The following SLAIN2 variants were observed in gnomAD, a reference collection of about 807,000 sequenced individuals.
SLAIN2 encodes the protein SLAIN motif-containing protein 2.
A neutral mutation model predicts 56.6 loss-of-function variants in SLAIN2; 31 were observed. The ratio of observed to expected loss-of-function variants is 0.55; its 90% CI spans 0.41 to 0.74. The LOEUF (loss-of-function observed/expected upper bound fraction) is 0.74. SLAIN2 is among the 30% of genes least tolerant of loss of function. The pLI, the probability that SLAIN2 is intolerant of heterozygous loss-of-function variation, is 0.00. For missense variants in SLAIN2, 777 were observed against 754.2 expected (o/e 1.03, Z -0.35); for synonymous variants, 317 against 284.9 (o/e 1.11, Z -1.13).
At position 48,425,589 on chromosome 4, in the gene SLAIN2, G is replaced by A. The variant is rs1464036155; in HGVS notation, c.*3512G>A. On this transcript the variant is annotated 3_prime_UTR_variant, in exon 8 of 8. Transcript: ENST00000264313. ...AAAATAATATTACATGTTACAATTA[G>A]ATTAATAGTGATGAGAGGGAAAAAA... The A allele has an allele frequency of 6.6e-6, 1 of 152,032 alleles. No individual in the cohort carries two copies. Among genetic ancestry groups the A allele is most frequent in the Non-Finnish European group, 1.5e-5 (1 of 67,966 alleles). The allele number at this position is 152,032 out of a possible 1,614,324, so 9.4% of individuals were successfully genotyped here.
chr4:48,363,912 C>T (rs1715423784), intron 1 of SLAIN2, among the ~76,000 whole-genome samples: 1 of 128,470 alleles, frequency 7.8e-6, no homozygotes, highest in African/African-American at 2.8e-5. Context: ...GCACGGCTGG[C>T]CAGGCGGGGG....
At chr4:48,392,464 T>A (rs1294111596) in intron 6 of SLAIN2, among the ~76,000 whole-genome samples, 1 of 152,204 alleles carries the variant, frequency 6.6e-6, no homozygotes, top group Non-Finnish European at 1.5e-5. Context: ...AACTTTTTTT[T>A]AATGGTTAAC....
chr4:48,359,364 T>C (rs1294190868), intron 1 of SLAIN2, among the ~76,000 whole-genome samples: 3 of 152,250 alleles, frequency 2.0e-5, no homozygotes, highest in Non-Finnish European at 4.4e-5. Flanking sequence ...AGAAATTTAT[T>C]TCAATAATGC....
chr4:48,383,906 A>G, intron 6 of SLAIN2, 122 bp downstream of exon 6: 1 of 1,026,726 alleles, frequency 9.7e-7, no homozygotes. Context: ...CCATAGCTAT[A>G]GTAAAATTTA....
chr4:48,425,708 A>G lies in SLAIN2; in HGVS notation c.*3631A>G, dbSNP rs938486415. On this transcript the variant is annotated 3_prime_UTR_variant, in exon 8 of 8. Coordinates refer to ENST00000264313, the MANE Select transcript of SLAIN2 (RefSeq NM_020846.2). ...CTATACTTGTATTATAAATCAATAC[A>G]TAAGTTTAAACCTGTTATATACTCA... 1.3e-5 allele frequency: 2 copies of G among 152,194 alleles called. No individual in the cohort carries two copies. The highest frequency in any genetic ancestry group is 2.9e-5 in the Non-Finnish European group (2 of 68,012). The allele number at this position is 152,194 out of a possible 1,614,324, so 9.4% of individuals were successfully genotyped here.
intron 6 of SLAIN2, among the ~76,000 whole-genome samples, chr4:48,403,123 G>A (rs1271277468): frequency 1.3e-5 from 2 of 152,224 alleles, no homozygotes; most frequent in African/African-American, 4.8e-5. Flanking sequence ...CTGACCTGAT[G>A]CTGGCCCGAA....
In SLAIN2 at chr4:48,373,870, G is replaced by A. The variant is rs186907538; in HGVS notation, c.538+3873G>A. 5.1e-3 allele frequency among the ~76,000 whole-genome samples: 778 copies of A among 152,210 alleles called. 1 individual carries two copies. The highest frequency in any genetic ancestry group is 7.8e-3 in the Non-Finnish European group (529 of 68,008). ...AGCCTGACCAACATGGAGAAACCCT[G>A]TCTCTACTAAAAATACAAAATTAAT... is the stretch of plus-strand genomic sequence containing the variant. On this transcript the variant is annotated intron_variant, in intron 2 of 7. Transcript: ENST00000264313.
chr4:48,411,331 C>T (rs1716840786), intron 6 of SLAIN2, among the ~76,000 whole-genome samples: 2 of 152,096 alleles, frequency 1.3e-5, no homozygotes, highest in South Asian at 4.1e-4. Context: ...TGTACCACAT[C>T]AGGAATAAAA....
intron 3 of SLAIN2, among the ~76,000 whole-genome samples, chr4:48,378,518 A>C (rs1231292324): frequency 2.6e-5 from 4 of 152,200 alleles, no homozygotes; most frequent in African/African-American, 9.6e-5. Context: ...GATTGCTATA[A>C]ACCAGGGAAA....
intron 1 of SLAIN2, among the ~76,000 whole-genome samples, chr4:48,365,745 T>G (rs1222079570): frequency 6.6e-6 from 1 of 151,984 alleles, no homozygotes; most frequent in Non-Finnish European, 1.5e-5. Flanking sequence ...TATTTTTTGG[T>G]AGAGATGGGG....
intron 6 of SLAIN2, among the ~76,000 whole-genome samples, chr4:48,386,357 G>A (rs1422959991): frequency 2.6e-5 from 4 of 152,186 alleles, no homozygotes; most frequent in African/African-American, 9.6e-5. Context: ...GCTTATAAGC[G>A]GCAAGTTAGA....
chr4:48,383,537 A>G, intron 5 of SLAIN2, 110 bp from the exon 6 acceptor site: 1 of 1,077,268 alleles, frequency 9.3e-7, no homozygotes, highest in Non-Finnish European at 1.3e-6. Flanking sequence ...TTTCTCATCT[A>G]AAATAAACAG....
In SLAIN2 at chr4:48,363,777, C is replaced by T. The variant is rs866678690; in HGVS notation, c.390-6072C>T. On this transcript the variant is annotated intron_variant, in intron 1 of 7. Coordinates refer to ENST00000264313, the MANE Select transcript of SLAIN2 (RefSeq NM_020846.2). ...CCCCCCACCTCCCTCCCGGACGGGG[C>T]GGCTGGCCGGGTGGGGGGGCTGACC... is the stretch of plus-strand genomic sequence containing the variant. 8.1e-3 allele frequency among the ~76,000 whole-genome samples: 973 copies of T among 120,664 alleles called. 7 individuals are homozygous for T. Among genetic ancestry groups the T allele is most frequent in the East Asian group, 0.012 (43 of 3,600 alleles). 79.2% of individuals were successfully genotyped at this position (120,664 alleles called of 152,430 possible). A position where few individuals can be genotyped will look rare whatever the true frequency, so the allele number is the denominator to read the frequency against.
At chr4:48,395,761 G>A (rs188639467) in intron 6 of SLAIN2, among the ~76,000 whole-genome samples, 1 of 143,570 alleles carries the variant, frequency 7.0e-6, no homozygotes, top group Non-Finnish European at 1.5e-5. Context: ...TGACTTAATA[G>A]GGGTTATTAT....
chr4:48,354,450 G>A (rs1357889313), intron 1 of SLAIN2, among the ~76,000 whole-genome samples: 10 of 141,320 alleles, frequency 7.1e-5, no homozygotes, highest in Non-Finnish European at 1.2e-4. Context: ...AGAGATCCTC[G>A]TTAATTGTTA....
Position 48,423,259 on chromosome 4 carries a change from A to G in SLAIN2, c.*1182A>G, listed in dbSNP as rs1161405702. 7.3e-6 allele frequency: 1 copy of G among 137,192 alleles called. No homozygotes were observed. Among genetic ancestry groups the G allele is most frequent in the Non-Finnish European group, 1.6e-5 (1 of 62,720 alleles). 8.5% of individuals were successfully genotyped at this position (137,192 alleles called of 1,614,324 possible). A position where few individuals can be genotyped will look rare whatever the true frequency, so the allele number is the denominator to read the frequency against. On this transcript the variant is annotated 3_prime_UTR_variant, in exon 8 of 8. Coordinates refer to ENST00000264313, the MANE Select transcript of SLAIN2 (RefSeq NM_020846.2). ...TTGACTTAGATTCTGCCTTACATCAATTTTTGCATTTTTGGTAAAAAAAAA... is the reference window on the plus strand; with the variant it reads ...TTGACTTAGATTCTGCCTTACATCAGTTTTTGCATTTTTGGTAAAAAAAAA...
intron 6 of SLAIN2, among the ~76,000 whole-genome samples, chr4:48,411,779 A>G (rs1716854598): frequency 6.6e-6 from 1 of 151,960 alleles, no homozygotes; most frequent in Non-Finnish European, 1.5e-5. Context: ...ATTTTTTTGT[A>G]TGAGTACTTG....
chr4:48,361,824 GTCT>G (rs10553199), intron 1 of SLAIN2, among the ~76,000 whole-genome samples: 80,041 of 151,622 alleles, frequency 0.53, 22,145 homozygotes, highest in South Asian at 0.69. Flanking sequence ...TTTTTCATAT[GTCT>G]TCTTTTAATT....
chr4:48,379,440 T>C (rs1715915090), intron 3 of SLAIN2, among the ~76,000 whole-genome samples: 1 of 152,052 alleles, frequency 6.6e-6, no homozygotes, highest in Non-Finnish European at 1.5e-5. Flanking sequence ...GAAAGCTGAA[T>C]TGTTACATAA....
Sources: allele counts gnomAD v4.1 joint callset (sites outside exome capture counted in the v4.1 genomes callset), GRCh38; gene constraint gnomAD v4.1.1; transcripts MANE v1.5; gene names NCBI Gene and HGNC (gene_info 2026-07-23, HGNC 2026-07-21).